Variants in CMPK1 observed in about 807,000 individuals in gnomAD.
The protein encoded by CMPK1 is cytidine/uridine monophosphate kinase 1.
CMPK1 carries 10 observed loss-of-function variants against 25.7 expected under a neutral mutation model. That is an observed-to-expected ratio of 0.39 (90% confidence interval 0.24 to 0.66). The LOEUF (loss-of-function observed/expected upper bound fraction) is 0.66, where lower values mean the gene tolerates loss of function less well. Among genes scored for constraint, CMPK1 ranks in the 30% least tolerant of loss-of-function variants. The probability of loss-of-function intolerance (pLI) is 0.48; values close to 1 mark genes in which losing one functional copy is unlikely to be tolerated. For missense variants in CMPK1, 199 were observed against 280.5 expected, an observed-to-expected ratio of 0.71 and a Z score of 2.08; for synonymous variants, 106 against 101.5, an observed-to-expected ratio of 1.04 and a Z score of -0.27.
chr1:47,345,015 C>A (rs1482143097), intron 1 of CMPK1, among the ~76,000 whole-genome samples: 1 of 151,586 alleles, frequency 6.6e-6, no homozygotes, highest in Non-Finnish European at 1.5e-5. Context: ...CTCCTGGGTT[C>A]ACGCGATTCT....
chr1:47,346,256 G>T (rs1194565634), intron 1 of CMPK1, among the ~76,000 whole-genome samples: 2 of 151,742 alleles, frequency 1.3e-5, no homozygotes, highest in African/African-American at 4.8e-5. Flanking sequence ...TACCATGTTG[G>T]CCAGGCTGGT....
rs549288093 is a variant in CMPK1, at chr1:47,348,642, G to T, written c.171+14526G>T. ...GTCTTCTCCAGAAGACCCATAAGCT[G>T]GTTCCATTCCCCGTTGGAATGTATC... On this transcript the variant is annotated intron_variant, in intron 1 of 5. Coordinates refer to ENST00000371873, the MANE Select transcript of CMPK1 (RefSeq NM_016308.3). Among the ~76,000 whole-genome samples the T allele has an allele frequency of 2.6e-5, 4 of 152,200 alleles. No individual in the cohort carries two copies. In the East Asian group the frequency reaches 7.7e-4, roughly 29 times the overall value.
Position 47,378,648 on chromosome 1 carries a change from T to G in CMPK1, c.*1903T>G, listed in dbSNP as rs1646723005. On this transcript the variant is annotated 3_prime_UTR_variant, in exon 6 of 6. Coordinates refer to ENST00000371873, the MANE Select transcript of CMPK1 (RefSeq NM_016308.3). ...GGCAACATTGAGTTTTGGAGTTGAT[T>G]GAGATAATATGACTTAACTAGTTTT... 1.3e-5 allele frequency: 2 copies of G among 152,222 alleles called. No individual in the cohort carries two copies. The highest frequency in any genetic ancestry group is 4.8e-5 in the African/African-American group (2 of 41,460). 9.4% of individuals were successfully genotyped at this position (152,222 alleles called of 1,614,324 possible).
rs760271138 is a variant in CMPK1 at position 47,377,850 on chromosome 1, A to C, written c.*1105A>C. Reference sequence around the variant, plus strand: ...CATCATGTTGAAGCACCGAAAGATAAATGATTTTTAAAAGGCTATAGAGTC... The same window carrying C: ...CATCATGTTGAAGCACCGAAAGATACATGATTTTTAAAAGGCTATAGAGTC... On this transcript the variant is annotated 3_prime_UTR_variant, in exon 6 of 6. Transcript: ENST00000371873. 2.9e-4 allele frequency: 45 copies of C among 152,592 alleles called. No homozygotes were observed. Among genetic ancestry groups the C allele is most frequent in the Non-Finnish European group, 6.0e-4 (41 of 68,026 alleles). The allele number at this position is 152,592 out of a possible 1,614,324, so 9.5% of individuals were successfully genotyped here.
intron 1 of CMPK1, among the ~76,000 whole-genome samples, chr1:47,336,318 G>A (rs935498403): frequency 3.3e-5 from 5 of 152,124 alleles, no homozygotes; most frequent in Admixed American, 1.3e-4. Context: ...GCCCAGAGAT[G>A]TTGTTGCCTT....
At chr1:47,339,192 C>T (rs1416604306) in intron 1 of CMPK1, among the ~76,000 whole-genome samples, 3 of 152,014 alleles carry the variant, frequency 2.0e-5, no homozygotes, top group African/African-American at 7.2e-5. Context: ...ACTACAGACA[C>T]ATGCCACCAT....
intron 1 of CMPK1, among the ~76,000 whole-genome samples, chr1:47,355,096 G>T (rs1023505676): frequency 1.3e-5 from 2 of 151,868 alleles, no homozygotes; most frequent in Non-Finnish European, 2.9e-5. Context: ...GCTCAGGTTG[G>T]AGTGCAATGG....
chr1:47,375,430 C>CTTA (rs1369045906), intron 5 of CMPK1, 137 bp downstream of exon 5: 2 of 599,508 alleles, frequency 3.3e-6, no homozygotes, highest in East Asian at 6.0e-5. Flanking sequence ...GTCATGGTGG[C>CTTA]TCATGCTTGT....
In CMPK1 at chr1:47,377,418, T is replaced by C. The variant is rs1020424309; in HGVS notation, c.*673T>C. 1 of 152,230 alleles carries C rather than the reference T, an allele frequency of 6.6e-6. No homozygotes were observed. Among genetic ancestry groups the C allele is most frequent in the East Asian group, 1.9e-4 (1 of 5,186 alleles). 9.4% of individuals were successfully genotyped at this position (152,230 alleles called of 1,614,324 possible). ...CAGAATTGTCAGCTTTAGTCTGACA[T>C]AATCTAAGGGTATGGGGCAAGGATC... On this transcript the variant is annotated 3_prime_UTR_variant, in exon 6 of 6. Transcript: ENST00000371873.
chr1:47,374,798 G>C, intron 3 of CMPK1, 111 bp from the exon 4 acceptor site: 3 of 668,836 alleles, frequency 4.5e-6, no homozygotes, highest in South Asian at 2.0e-5. Flanking sequence ...AGACACATTG[G>C]GTTTATTGCA....
intron 5 of CMPK1, 130 bp downstream of exon 5, chr1:47,375,423 A>AT: frequency 1.6e-6 from 1 of 610,162 alleles, no homozygotes. Flanking sequence ...GAAGCCAGTC[A>AT]TGGTGGCTCA....
chr1:47,374,930 G>T lies in CMPK1; in HGVS notation c.493G>T (p.Glu165Ter). The change falls in exon 4 of 6, where the codon GAG (glutamate) becomes TAG (stop). Residue 165 changes from glutamate (E) to a stop codon, truncating the protein, a stop_gained. Transcript: ENST00000371873. LOFTEE classifies it high-confidence loss of function. ...TTAGATTTGTATTGAACGATGTCTTGAGAGGGGAAAGAGTAGTGGTAGGAG... is the reference window on the plus strand; with the variant it reads ...TTAGATTTGTATTGAACGATGTCTTTAGAGGGGAAAGAGTAGTGGTAGGAG... ...NNEICIERCL[E>*]RGKSSGRSDD... 6.2e-7 allele frequency: 1 copy of T among 1,612,710 alleles called. No individual in the cohort carries two copies. The highest frequency in any genetic ancestry group is 1.1e-5 in the South Asian group (1 of 91,030).
intron 1 of CMPK1, among the ~76,000 whole-genome samples, chr1:47,355,779 GTA>G (rs1382845284): frequency 3.3e-5 from 5 of 151,666 alleles, no homozygotes; most frequent in Admixed American, 6.6e-5. Context: ...GCTAATTTTT[GTA>G]TTTTTAGTAG....
chr1:47,351,744 TA>T (rs1646523822), intron 1 of CMPK1, among the ~76,000 whole-genome samples: 1 of 152,230 alleles, frequency 6.6e-6, no homozygotes, highest in Non-Finnish European at 1.5e-5. Flanking sequence ...CACCAATGTT[TA>T]TTTTTTTTGT....
chr1:47,376,436 C>T (rs954312489), intron 5 of CMPK1, among the ~76,000 whole-genome samples: 4 of 152,212 alleles, frequency 2.6e-5, no homozygotes, highest in Middle Eastern at 3.4e-3. Context: ...CTGCCTCAGC[C>T]TCCTGGGTAG....
intron 1 of CMPK1, among the ~76,000 whole-genome samples, chr1:47,364,050 T>G (rs1646622017): frequency 1.3e-5 from 2 of 152,162 alleles, no homozygotes; most frequent in South Asian, 4.1e-4. Flanking sequence ...CTGGTGCATC[T>G]GGATGACCTC....
rs1043262565 is a variant in CMPK1 at position 47,355,588 on chromosome 1, C to T, written c.172-12881C>T. 4.0e-4 allele frequency among the ~76,000 whole-genome samples: 61 copies of T among 151,988 alleles called. 1 individual carries two copies. Among genetic ancestry groups the T allele is most frequent in the Non-Finnish European group, 8.8e-5 (6 of 68,026 alleles). On this transcript the variant is annotated intron_variant, in intron 1 of 5. Coordinates refer to ENST00000371873, the MANE Select transcript of CMPK1 (RefSeq NM_016308.3). ...TCAGCTTCCCAAAGTGCTGGGATTA[C>T]AGGTGTGAGCCATCATGCCCGGCCT...
At chr1:47,348,111 G>C (rs1383610221) in intron 1 of CMPK1, among the ~76,000 whole-genome samples, 3 of 152,176 alleles carry the variant, frequency 2.0e-5, no homozygotes, top group Non-Finnish European at 4.4e-5. Context: ...TCACGTAGGA[G>C]TACAGTATTT....
intron 1 of CMPK1, among the ~76,000 whole-genome samples, chr1:47,336,254 G>C (rs761668002): frequency 1.1e-4 from 17 of 152,156 alleles, no homozygotes; most frequent in Non-Finnish European, 2.2e-4. Flanking sequence ...AAAGACTTTA[G>C]AGTCAAAGAG....
Sources: allele counts gnomAD v4.1 joint callset (sites outside exome capture counted in the v4.1 genomes callset), GRCh38; gene constraint gnomAD v4.1.1; transcripts MANE v1.5; gene names NCBI Gene and HGNC (gene_info 2026-07-23, HGNC 2026-07-21).